Variants in CATSPER2 observed in about 807,000 individuals in gnomAD.
The protein encoded by CATSPER2 is cation channel sperm-associated protein 2.
Under a neutral mutation model 68.8 loss-of-function variants are expected in CATSPER2, and 56 were observed. The ratio of observed to expected loss-of-function variants is 0.81; its 90% CI spans 0.66 to 1.02. CATSPER2 has a LOEUF of 1.02. Ranked by LOEUF, CATSPER2 falls within the 50% of genes least tolerant of loss-of-function variation. The probability of loss-of-function intolerance (pLI) is 0.00; values close to 1 mark genes in which losing one functional copy is unlikely to be tolerated. For synonymous variants in CATSPER2, 198 were observed against 229.9 expected (o/e 0.86, Z 1.26); for missense variants, 582 against 642.0 (o/e 0.91, Z 1.01).
At chr15:43,646,308 T>C (rs2086162795) in intron 4 of CATSPER2, among the ~76,000 whole-genome samples, 1 of 150,198 alleles carries the variant, frequency 6.7e-6, no homozygotes, top group South Asian at 2.1e-4. Context: ...TTTTTTGAGA[T>C]GGGGTGCAGT....
In CATSPER2 at chr15:43,635,324, T is replaced by A. The variant is rs529835335; in HGVS notation, c.1178+36A>T. On this transcript the variant is annotated intron_variant, in intron 10 of 12. Transcript: ENST00000396879. ...TAGTTTTCCACCCTCTCCTCCTTCA[T>A]GTGTTTCTATCCCAGTTCACATACA... is the stretch of plus-strand genomic sequence containing the variant. 9.0e-6 allele frequency: 14 copies of A among 1,551,960 alleles called. No individual in the cohort carries two copies. In the African/African-American group the frequency reaches 1.5e-4, roughly 17 times the overall value.
chr15:43,631,963 T>C lies in CATSPER2; in HGVS notation c.1561+236A>G, dbSNP rs186422365. On this transcript the variant is annotated intron_variant, in intron 12 of 12. Transcript: ENST00000396879. ...ATAAGCTCTCATACCTCATAGGATTTGGGTGTCCCCTGCTACAGAAGCAGA... is the reference window on the plus strand; with the variant it reads ...ATAAGCTCTCATACCTCATAGGATTCGGGTGTCCCCTGCTACAGAAGCAGA... Among the ~76,000 whole-genome samples, 1,060 of 152,106 alleles carry C rather than the reference T, an allele frequency of 7.0e-3. 34 individuals carry two copies. The highest frequency in any genetic ancestry group is 5.5e-3 in the Non-Finnish European group (376 of 67,968).
chr15:43,638,816 A>G, intron 7 of CATSPER2, 88 bp downstream of exon 7: 1 of 1,492,366 alleles, frequency 6.7e-7, no homozygotes, highest in Non-Finnish European at 9.3e-7. Flanking sequence ...AATAGACTGC[A>G]CTTTTTATAT....
chr15:43,639,678 G>T lies in CATSPER2; in HGVS notation c.682C>A (p.Gln228Lys). The T allele has an allele frequency of 1.9e-6, 3 of 1,613,086 alleles. No individual in the cohort carries two copies. The highest frequency in any genetic ancestry group is 2.5e-6 in the Non-Finnish European group (3 of 1,179,610). The change falls in exon 6 of 13, where the codon CAA (glutamine) becomes AAA (lysine). Residue 228 changes from glutamine (Q) to lysine (K), a missense_variant. This residue lies in a region of CATSPER2 where 91 missense variants were observed against 72.8 expected (regional missense o/e 1.25). Coordinates refer to ENST00000396879, the MANE Select transcript of CATSPER2 (RefSeq NM_172095.4). Reference sequence around the variant, plus strand: ...CTGACCAGGACCAAAATAATAATTTGAATTTGACGGAATTGTGCAAGGAGT... The same window carrying T: ...CTGACCAGGACCAAAATAATAATTTTAATTTGACGGAATTGTGCAAGGAGT... ...LKLLAQFRQIQIIILVLVRAL... is the reference protein window; with the variant it reads ...LKLLAQFRQIKIIILVLVRAL...
Position 43,632,701 on chromosome 15 carries a change from T to G in CATSPER2, c.1396+16A>C, listed in dbSNP as rs201425755. 2,632 of 1,612,954 alleles carry G rather than the reference T, an allele frequency of 1.6e-3. 18 individuals carry two copies. The highest frequency in any genetic ancestry group is 2.2e-3 in the South Asian group (201 of 90,996). ...TTCAAATGGAAAAAACTCATTATTA[T>G]AGTTCTTCGGCTCACCAATAGATTC... On this transcript the variant is annotated intron_variant, in intron 11 of 12. Transcript: ENST00000396879.
In CATSPER2 at chr15:43,647,364, C is replaced by T. The variant is rs774622123; in HGVS notation, c.249G>A (p.Leu83=). The T allele has an allele frequency of 6.2e-7, 1 of 1,613,096 alleles. No individual in the cohort carries two copies. Among genetic ancestry groups the T allele is most frequent in the South Asian group, 1.1e-5 (1 of 91,034 alleles). The change falls in exon 3 of 13, where the codon CTG becomes CTA. Residue 83 remains leucine, a synonymous_variant. Transcript: ENST00000396879. Reference sequence around the variant, plus strand: ...TGCAGCGCACATGAAGCCTGCTCAACAGCCTCTGGGCATGTGAAATCTGTT... The same window carrying T: ...TGCAGCGCACATGAAGCCTGCTCAATAGCCTCTGGGCATGTGAAATCTGTT... ...RIEQISHAQR[L]LSRLHVRCSQ...
chr15:43,646,293 C>CT (rs55748592), intron 4 of CATSPER2, among the ~76,000 whole-genome samples: 32 of 147,178 alleles, frequency 2.2e-4, no homozygotes, highest in East Asian at 5.9e-4. Flanking sequence ...ATTAATATTT[C>CT]TTTTTTTTTT....
intron 12 of CATSPER2, among the ~76,000 whole-genome samples, chr15:43,631,785 C>G (rs2085876591): frequency 6.6e-6 from 1 of 151,878 alleles, no homozygotes; most frequent in African/African-American, 2.4e-5. Flanking sequence ...CCCCATAGCT[C>G]TCCAGCTTGA....
chr15:43,630,456 G>A lies in CATSPER2; in HGVS notation c.*245C>T. On this transcript the variant is annotated 3_prime_UTR_variant, in exon 13 of 13. Transcript: ENST00000396879. ...TGCAACCTCTGACTCCCAGGTTCAA[G>A]TGATTCTCCTGCCTCAGGCTCCCAA... The A allele has an allele frequency of 1.4e-6, 1 of 710,556 alleles. No individual in the cohort carries two copies. 44.0% of individuals were successfully genotyped at this position (710,556 alleles called of 1,614,324 possible).
chr15:43,646,718 C>CT (rs56230106), intron 4 of CATSPER2, among the ~76,000 whole-genome samples: 30,406 of 138,566 alleles, frequency 0.22, 5,347 homozygotes, highest in African/African-American at 0.48. Context: ...TTTTCTTTTT[C>CT]TTTTTTTTTT....
At chr15:43,631,230 TTC>T (rs2085864789) in intron 12 of CATSPER2, among the ~76,000 whole-genome samples, 1 of 151,956 alleles carries the variant, frequency 6.6e-6, no homozygotes, top group Non-Finnish European at 1.5e-5. Context: ...CCCCTAAATC[TTC>T]TGTTTTTGGT....
In CATSPER2 at chr15:43,640,488, C is replaced by A. The variant is rs773102038; in HGVS notation, c.397G>T (p.Glu133Ter). ...IILMVEIELLESTNTKLWPLK... is the reference protein window; with the variant it reads ...IILMVEIELL ...GGCCATAGTTTGGTATTTGTGGATT[C>A]CAGCAATTCTGTGAAGATAGAGCAA... The change falls in exon 5 of 13, where the codon GAA becomes TAA. Residue 133 changes from glutamate to a stop codon, truncating the protein, a stop_gained. Transcript: ENST00000396879. LOFTEE classifies it high-confidence loss of function. 6.2e-7 allele frequency: 1 copy of A among 1,613,208 alleles called. No individual in the cohort carries two copies. The highest frequency in any genetic ancestry group is 8.5e-7 in the Non-Finnish European group (1 of 1,179,494).
In CATSPER2 at chr15:43,635,384, G is replaced by C. The variant is rs147058893; in HGVS notation, c.1154C>G (p.Ser385Ter). 1 of 1,609,488 alleles carries C rather than the reference G, an allele frequency of 6.2e-7. No individual in the cohort carries two copies. The highest frequency in any genetic ancestry group is 1.7e-5 in the Admixed American group (1 of 59,810). ...CCTGTCCTCTATTTTGCTATGGCTT[G>C]ACGTCAGTGCTTCATGTGACATGTT... ...RKNMSHEALT[S>*]SHSKIEDSSR... Residue 385 changes from serine to a stop codon, truncating the protein, a stop_gained, in exon 10 of 13, where the codon TCA becomes TGA. Transcript: ENST00000396879. LOFTEE classifies it high-confidence loss of function.
chr15:43,643,253 T>C (rs1013290097), intron 4 of CATSPER2, among the ~76,000 whole-genome samples: 2 of 152,016 alleles, frequency 1.3e-5, no homozygotes, highest in African/African-American at 4.8e-5. Context: ...AACTGATATG[T>C]AGATGTTGAC....
In CATSPER2 at chr15:43,630,481, A is replaced by C. The variant is rs1436313465; in HGVS notation, c.*220T>G. ...GTGATTCTCCTGCCTCAGGCTCCCA[A>C]GTAGCTATGATTACAAGCATCTGCC... is the stretch of plus-strand genomic sequence containing the variant. On this transcript the variant is annotated 3_prime_UTR_variant, in exon 13 of 13. Coordinates refer to ENST00000396879, the MANE Select transcript of CATSPER2 (RefSeq NM_172095.4). 3.1e-6 allele frequency: 3 copies of C among 958,580 alleles called. No individual in the cohort carries two copies. Among genetic ancestry groups the C allele is most frequent in the Non-Finnish European group, 4.5e-6 (3 of 663,724 alleles). 59.4% of individuals were successfully genotyped at this position (958,580 alleles called of 1,614,324 possible). A position where few individuals can be genotyped will look rare whatever the true frequency, so the allele number is the denominator to read the frequency against.
rs368388999 is a variant in CATSPER2, at chr15:43,635,311, C to T, written c.1178+49G>A. On this transcript the variant is annotated intron_variant, in intron 10 of 12. Transcript: ENST00000396879. ...CAATCTTCATCTTTAGTTTTCCACC[C>T]TCTCCTCCTTCATGTGTTTCTATCC... 18 of 1,452,838 alleles carry T rather than the reference C, an allele frequency of 1.2e-5. 1 individual carries two copies. The African/African-American group carries it at 2.3e-4, about 18-fold the overall frequency. The allele number at this position is 1,452,838 out of a possible 1,614,324, so 90.0% of individuals were successfully genotyped here.
In CATSPER2 at chr15:43,647,361, C is replaced by G. The variant is rs771282534; in HGVS notation, c.252G>C (p.Leu84Phe). 6.2e-7 allele frequency: 1 copy of G among 1,613,006 alleles called. No individual in the cohort carries two copies. The highest frequency in any genetic ancestry group is 1.1e-5 in the South Asian group (1 of 91,026). ...GACTGCAGCGCACATGAAGCCTGCT[C>G]AACAGCCTCTGGGCATGTGAAATCT... ...IEQISHAQRLLSRLHVRCSQR... is the reference protein window; with the variant it reads ...IEQISHAQRLFSRLHVRCSQR... The change falls in exon 3 of 13, where the codon TTG (leucine) becomes TTC (phenylalanine). Residue 84 changes from leucine (L) to phenylalanine (F), a missense_variant. By Grantham distance (22) the Leu-to-Phe change is conservative. Coordinates refer to ENST00000396879, the MANE Select transcript of CATSPER2 (RefSeq NM_172095.4).
At chr15:43,642,223 C>T (rs574100758) in intron 4 of CATSPER2, among the ~76,000 whole-genome samples, 12 of 151,800 alleles carry the variant, frequency 7.9e-5, no homozygotes, top group Middle Eastern at 3.4e-3. Flanking sequence ...CCTCAGCCTC[C>T]CAAGTAGCTG....
intron 7 of CATSPER2, among the ~76,000 whole-genome samples, chr15:43,636,622 C>T (rs1311519466): frequency 6.6e-6 from 1 of 151,498 alleles, no homozygotes; most frequent in Non-Finnish European, 1.5e-5. Context: ...AACTCCTGAC[C>T]TAAGGTGATC....
Sources: gnomAD v4.1 joint callset for allele counts (sites outside exome capture counted in the v4.1 genomes callset) on GRCh38, gnomAD v4.1.1 for gene constraint, gnomAD v4.1.1 regional missense constraint, MANE v1.5 for transcripts, NCBI Gene and HGNC (gene_info 2026-07-23, HGNC 2026-07-21) for gene names.